Variants in THSD7B observed in about 807,000 individuals in gnomAD.
THSD7B encodes thrombospondin type-1 domain-containing protein 7B.
THSD7B carries 138 observed loss-of-function variants against 213.6 expected under a neutral mutation model. The observed-to-expected ratio is 0.65, with a 90% CI of 0.56 to 0.74. THSD7B has a LOEUF of 0.74. THSD7B is among the 30% of genes least tolerant of loss of function. The pLI is 0.00. For missense variants in THSD7B, 1,931 were observed against 1,991.5 expected (o/e 0.97, Z 0.58); for synonymous variants, 742 against 687.0 (o/e 1.08, Z -1.25).
intron 2 of THSD7B, among the ~76,000 whole-genome samples, chr2:137,033,256 T>A (rs1686708620): frequency 6.6e-6 from 1 of 152,090 alleles, no homozygotes. Context: ...AGTTAAAGAG[T>A]CTTCTAGAAG....
intron 9 of THSD7B, among the ~76,000 whole-genome samples, chr2:137,236,237 C>T (rs1322936144): frequency 2.0e-5 from 3 of 152,048 alleles, no homozygotes; most frequent in African/African-American, 7.2e-5. Flanking sequence ...CAGAGAAGGA[C>T]GCATGTCTCC....
At chr2:137,092,670 CG>C (rs1687971444) in intron 3 of THSD7B, among the ~76,000 whole-genome samples, 1 of 151,934 alleles carries the variant, frequency 6.6e-6, no homozygotes, top group African/African-American at 2.4e-5. Context: ...AGACTTTGCC[CG>C]TCACCCAGGC....
Position 137,532,392 on chromosome 2 carries a change from A to G in THSD7B, c.3139-30829A>G, listed in dbSNP as rs149297896. Among the ~76,000 whole-genome samples the G allele has an allele frequency of 2.0e-5, 3 of 152,034 alleles. No individual in the cohort carries two copies. In the East Asian group the frequency reaches 5.8e-4, roughly 30 times the overall value. On this transcript the variant is annotated intron_variant, in intron 15 of 27. Transcript: ENST00000409968. ...AAAAAATCTAGTTATAGAAAAGGCAAAACTTTAGATTGAGAAAAAAAGAAT... is the reference window on the plus strand; with the variant it reads ...AAAAAATCTAGTTATAGAAAAGGCAGAACTTTAGATTGAGAAAAAAAGAAT...
At chr2:136,838,321 T>C (rs1314975370) in intron 1 of THSD7B, among the ~76,000 whole-genome samples, 2 of 152,148 alleles carry the variant, frequency 1.3e-5, no homozygotes, top group African/African-American at 4.8e-5. Flanking sequence ...TATTCTTAAA[T>C]GAGATGAGTC....
intron 17 of THSD7B, among the ~76,000 whole-genome samples, chr2:137,580,205 T>C (rs974183961): frequency 2.6e-5 from 4 of 152,190 alleles, no homozygotes; most frequent in East Asian, 3.8e-4. Flanking sequence ...TTTCTAGATA[T>C]GTTAAAAAAA....
At chr2:137,607,763 G>C (rs1682211276) in intron 17 of THSD7B, among the ~76,000 whole-genome samples, 1 of 152,116 alleles carries the variant, frequency 6.6e-6, no homozygotes, top group Non-Finnish European at 1.5e-5. Flanking sequence ...CTCGATTTCT[G>C]TGATTGGATA....
rs533219378 is a variant in THSD7B, at chr2:137,056,729, A to C, written c.449A>C (p.Asn150Thr). The change falls in exon 3 of 28, where the codon AAC (asparagine) becomes ACC (threonine). Residue 150 changes from asparagine (N) to threonine (T), a missense_variant. Physicochemically the swap from Asn to Thr is moderately conservative, Grantham distance 65. Coordinates refer to ENST00000409968, the MANE Select transcript of THSD7B (RefSeq NM_001316349.2). ...ATGGTGCGCTGCATTCAGAAGCTGA[A>C]CCGAACTGTGGTTGCAAATGAAATA... ...HRMVRCIQKL[N>T]RTVVANEICE... is the part of the protein sequence containing the mutation. 1 of 1,613,976 alleles carries C rather than the reference A, an allele frequency of 6.2e-7. No individual in the cohort carries two copies. Among genetic ancestry groups the C allele is most frequent in the African/African-American group, 1.3e-5 (1 of 75,054 alleles).
At chr2:137,603,362 A>T (rs1310041931) in intron 17 of THSD7B, among the ~76,000 whole-genome samples, 2 of 152,088 alleles carry the variant, frequency 1.3e-5, no homozygotes, top group African/African-American at 4.8e-5. Flanking sequence ...TTTTAAGTAC[A>T]CTTCTTCCAA....
intron 10 of THSD7B, among the ~76,000 whole-genome samples, chr2:137,269,643 A>T (rs1015218226): frequency 6.6e-6 from 1 of 152,230 alleles, no homozygotes; most frequent in South Asian, 2.1e-4. Flanking sequence ...CAGAGATAAT[A>T]CAGTATAATT....
In THSD7B at chr2:136,881,177, G is replaced by A. The variant is rs1165523714; in HGVS notation, c.-35-967G>A. On this transcript the variant is annotated intron_variant, in intron 1 of 27. Transcript: ENST00000409968. ...TGTGTGAGGCTCTCCTCTCTTTTTTGCACAGCACAGAGGAACTAGTTGCCT... is the reference window on the plus strand; with the variant it reads ...TGTGTGAGGCTCTCCTCTCTTTTTTACACAGCACAGAGGAACTAGTTGCCT... 1.1e-4 allele frequency among the ~76,000 whole-genome samples: 17 copies of A among 151,830 alleles called. 1 individual carries two copies. Among genetic ancestry groups the A allele is most frequent in the Admixed American group, 9.8e-4 (15 of 15,248 alleles).
chr2:136,899,873 G>C (rs1684035988), intron 2 of THSD7B, among the ~76,000 whole-genome samples: 1 of 152,166 alleles, frequency 6.6e-6, no homozygotes. Flanking sequence ...TGGATGCTTA[G>C]CTGGCAGGTT....
At chr2:137,170,208 A>G (rs1680217978) in intron 6 of THSD7B, among the ~76,000 whole-genome samples, 1 of 152,142 alleles carries the variant, frequency 6.6e-6, no homozygotes. Flanking sequence ...CCTGGGTGGA[A>G]AGTGAACTCC....
intron 12 of THSD7B, among the ~76,000 whole-genome samples, chr2:137,320,605 GGTCAT>G (rs1684241547): frequency 6.6e-6 from 1 of 152,104 alleles, no homozygotes; most frequent in African/African-American, 2.4e-5. Flanking sequence ...CAAAGCCCAA[GGTCAT>G]GCTTTTCATA....
intron 14 of THSD7B, among the ~76,000 whole-genome samples, chr2:137,421,619 G>A (rs867598170): frequency 6.6e-6 from 1 of 152,156 alleles, no homozygotes; most frequent in Non-Finnish European, 1.5e-5. Context: ...CCTGAACCTG[G>A]TCCTCTTGAG....
At chr2:137,517,460 T>G (rs1680092373) in intron 15 of THSD7B, among the ~76,000 whole-genome samples, 1 of 152,200 alleles carries the variant, frequency 6.6e-6, no homozygotes, top group South Asian at 2.1e-4. Flanking sequence ...TGAGGCCTGT[T>G]GAGATGTTCC....
intron 2 of THSD7B, among the ~76,000 whole-genome samples, chr2:136,970,845 TA>T (rs1179378790): frequency 1.3e-5 from 2 of 152,184 alleles, no homozygotes; most frequent in African/African-American, 4.8e-5. Context: ...GCAATGGGAA[TA>T]AAGATGGCAT....
At chr2:137,438,603 A>G (rs28550805) in intron 14 of THSD7B, among the ~76,000 whole-genome samples, 36,482 of 151,932 alleles carry the variant, frequency 0.24, 4,538 homozygotes, top group South Asian at 0.28. Context: ...TTGACCTGCA[A>G]TAGTCCCTGC....
intron 17 of THSD7B, among the ~76,000 whole-genome samples, chr2:137,605,101 A>G (rs963193815): frequency 9.2e-5 from 14 of 152,214 alleles, no homozygotes; most frequent in African/African-American, 3.4e-4. Context: ...TTCACATTTC[A>G]ATAAGGCCTG....
intron 1 of THSD7B, among the ~76,000 whole-genome samples, chr2:136,802,045 T>C (rs1015991674): frequency 2.0e-5 from 3 of 152,136 alleles, no homozygotes; most frequent in African/African-American, 2.4e-5. Flanking sequence ...AATAATTGTT[T>C]AATAAGCAAT....
Sources: gnomAD v4.1 joint callset for allele counts (sites outside exome capture counted in the v4.1 genomes callset) on GRCh38, gnomAD v4.1.1 for gene constraint, MANE v1.5 for transcripts, NCBI Gene and HGNC (gene_info 2026-07-23, HGNC 2026-07-21) for gene names.